FOXP2: variants seen among roughly 807,000 people sequenced by gnomAD.
FOXP2 encodes forkhead box P2, also known as forkhead box protein P2.
FOXP2 carries 12 observed loss-of-function variants against 115.8 expected under a neutral mutation model. The ratio of observed to expected loss-of-function variants is 0.10; its 90% CI spans 0.07 to 0.17. FOXP2 has a LOEUF of 0.17. Among genes scored for constraint, FOXP2 ranks in the 10% least tolerant of loss-of-function variants. FOXP2 has a pLI of 1.00. For synonymous variants in FOXP2, 328 were observed against 297.7 expected, an observed-to-expected ratio of 1.10 and a Z score of -1.05; for missense variants, 629 against 843.5, an observed-to-expected ratio of 0.75 and a Z score of 3.15.
chr7:114,691,815 C>G lies in FOXP2; in HGVS notation c.*1889C>G, dbSNP rs1808680766. On this transcript the variant is annotated 3_prime_UTR_variant, in exon 17 of 17. Transcript: ENST00000350908. Reference sequence around the variant, plus strand: ...ATCATTGATTCTTTGCTGAAGTCAGCAAATAGAGTTAGAGAGATACCCAGT... The same window carrying G: ...ATCATTGATTCTTTGCTGAAGTCAGGAAATAGAGTTAGAGAGATACCCAGT... The G allele has an allele frequency of 4.4e-6, 2 of 449,986 alleles. No homozygotes were observed. Among genetic ancestry groups the G allele is most frequent in the South Asian group, 3.1e-5 (2 of 64,042 alleles). 27.9% of individuals were successfully genotyped at this position (449,986 alleles called of 1,614,324 possible). A position where few individuals can be genotyped will look rare whatever the true frequency, so the allele number is the denominator to read the frequency against.
chr7:114,424,892 C>T (rs1054720529), intron 1 of FOXP2, among the ~76,000 whole-genome samples: 6 of 149,868 alleles, frequency 4.0e-5, no homozygotes, highest in Non-Finnish European at 6.0e-5. Flanking sequence ...CAGCTATTGA[C>T]GTTTTTTACT....
chr7:114,275,964 T>G (rs557882793), intron 1 of FOXP2, among the ~76,000 whole-genome samples: 2 of 152,110 alleles, frequency 1.3e-5, no homozygotes, highest in Admixed American at 6.6e-5. Context: ...GATGGCTAGC[T>G]TGGGTTGGAG....
chr7:114,433,483 T>C (rs1424495589), intron 2 of FOXP2, among the ~76,000 whole-genome samples: 3 of 152,022 alleles, frequency 2.0e-5, no homozygotes, highest in African/African-American at 7.2e-5. Flanking sequence ...AGAAATATTG[T>C]TAATATTCTG....
intron 1 of FOXP2, among the ~76,000 whole-genome samples, chr7:114,249,306 C>G (rs1201483709): frequency 1.3e-5 from 2 of 151,916 alleles, no homozygotes; most frequent in Non-Finnish European, 2.9e-5. Context: ...ACCTGTCAAC[C>G]CATCACCCAG....
rs145644304 is a variant in FOXP2, at chr7:114,311,461, G to A, written c.-11+23352G>A. ...CAGGTCCAAGAGAGACAGGGGCAGG[G>A]TTTTGCCAATGCCAAATATACTTCA... On this transcript the variant is annotated intron_variant, in intron 2 of 17. Transcript: ENST00000634411. Among the ~76,000 whole-genome samples the A allele has an allele frequency of 4.5e-3, 686 of 152,236 alleles. 4 individuals carry two copies. Among genetic ancestry groups the A allele is most frequent in the African/African-American group, 0.016 (660 of 41,540 alleles).
chr7:114,285,102 A>G (rs1356765909), intron 1 of FOXP2, among the ~76,000 whole-genome samples: 1 of 152,154 alleles, frequency 6.6e-6, no homozygotes, highest in East Asian at 1.9e-4. Flanking sequence ...CTGCATGACA[A>G]AATAGTCTGT....
intron 6 of FOXP2, among the ~76,000 whole-genome samples, chr7:114,640,779 T>C (rs1344528264): frequency 6.6e-6 from 1 of 152,202 alleles, no homozygotes; most frequent in African/African-American, 2.4e-5. Context: ...TTATATTAGA[T>C]GTTATAGATG....
intron 1 of FOXP2, 145 bp downstream of exon 1, chr7:114,415,505 A>G: frequency 2.8e-6 from 1 of 356,182 alleles, no homozygotes; most frequent in African/African-American, 2.2e-5. Flanking sequence ...AGAGCATTGT[A>G]TCTGTTTGCG....
At chr7:114,633,905 T>C (rs1289928572) in intron 6 of FOXP2, among the ~76,000 whole-genome samples, 1 of 152,196 alleles carries the variant, frequency 6.6e-6, no homozygotes, top group Non-Finnish European at 1.5e-5. Flanking sequence ...AGGTTTTTGA[T>C]TGGTTGATTA....
chr7:114,477,310 T>C (rs1483286089), intron 2 of FOXP2, among the ~76,000 whole-genome samples: 1 of 151,972 alleles, frequency 6.6e-6, no homozygotes, highest in East Asian at 1.9e-4. Context: ...ATGTACATCA[T>C]GAAATACGAC....
At chr7:114,227,619 A>G (rs552680764) in intron 1 of FOXP2, among the ~76,000 whole-genome samples, 9 of 152,166 alleles carry the variant, frequency 5.9e-5, no homozygotes, top group Non-Finnish European at 2.9e-5. Flanking sequence ...TTTTAAAGTT[A>G]GAGGAATATT....
At chr7:114,446,058 A>G (rs1239743061) in intron 2 of FOXP2, among the ~76,000 whole-genome samples, 1 of 141,394 alleles carries the variant, frequency 7.1e-6, no homozygotes, top group African/African-American at 2.5e-5. Context: ...TTGCTTTTTA[A>G]TATTAAAAAG....
chr7:114,209,799 A>G (rs1253096188), intron 1 of FOXP2, among the ~76,000 whole-genome samples: 1 of 152,090 alleles, frequency 6.6e-6, no homozygotes, highest in Non-Finnish European at 1.5e-5. Context: ...CTCTCTTTAC[A>G]TAATCCCATA....
intron 4 of FOXP2, chr7:114,629,525 A>G: frequency 7.5e-7 from 1 of 1,329,430 alleles, no homozygotes; most frequent in Non-Finnish European, 1.0e-6. Flanking sequence ...CTTCAGATGT[A>G]ATAATTTAAA....
chr7:114,411,760 TAG>T (rs1188285146), upstream of FOXP2, among the ~76,000 whole-genome samples: 3 of 152,112 alleles, frequency 2.0e-5, no homozygotes, highest in Non-Finnish European at 4.4e-5. Context: ...CCCTCTGCAC[TAG>T]AGAGAAGAAC....
intron 8 of FOXP2, 94 bp downstream of exon 8, chr7:114,644,883 G>A: frequency 2.1e-6 from 2 of 957,748 alleles, no homozygotes; most frequent in Non-Finnish European, 3.2e-6. Flanking sequence ...AAGGAGGAAT[G>A]TAAAAGTCCA....
At chr7:114,538,147 C>T (rs183679084) in intron 3 of FOXP2, among the ~76,000 whole-genome samples, 1 of 151,798 alleles carries the variant, frequency 6.6e-6, no homozygotes, top group East Asian at 1.9e-4. Context: ...TAAGTTAACA[C>T]ATCACCCCAC....
At chr7:114,534,818 A>G in intron 3 of FOXP2, 112 bp downstream of exon 3, 1 of 794,924 alleles carries the variant, frequency 1.3e-6, no homozygotes, top group East Asian at 2.6e-5. Context: ...TTGCATATGT[A>G]GGTAATTTTA....
At chr7:114,569,136 G>A (rs1161896991) in intron 3 of FOXP2, among the ~76,000 whole-genome samples, 1 of 151,844 alleles carries the variant, frequency 6.6e-6, no homozygotes, top group African/African-American at 2.4e-5. Flanking sequence ...ATGGTTTATT[G>A]TTATGGTATG....
Sources: allele counts gnomAD v4.1 joint callset (sites outside exome capture counted in the v4.1 genomes callset), GRCh38; gene constraint gnomAD v4.1.1; transcripts MANE v1.5; gene names NCBI Gene and HGNC (gene_info 2026-07-23, HGNC 2026-07-21).